Variants in SLC6A15 observed in about 807,000 individuals in gnomAD.
SLC6A15 encodes the protein sodium-dependent neutral amino acid transporter B(0)AT2.
A neutral mutation model predicts 68.5 loss-of-function variants in SLC6A15; 33 were observed. That is an observed-to-expected ratio of 0.48 (90% CI 0.37 to 0.64). SLC6A15 has a LOEUF of 0.64. Among genes scored for constraint, SLC6A15 ranks in the 30% least tolerant of loss-of-function variants. SLC6A15 has a pLI of 0.00. For synonymous variants in SLC6A15, 347 were observed against 301.0 expected (o/e 1.15, Z -1.58); for missense variants, 747 against 874.3 (o/e 0.85, Z 1.84).
At chr12:84,900,601 T>G (rs1872816078) in intron 1 of SLC6A15, among the ~76,000 whole-genome samples, 1 of 151,836 alleles carries the variant, frequency 6.6e-6, no homozygotes, top group Non-Finnish European at 1.5e-5. Flanking sequence ...GATCCCTTTA[T>G]TAGTTTAGAG....
At position 84,885,565 on chromosome 12, in the gene SLC6A15, C is replaced by A; in HGVS notation, c.448-4G>T. The A allele has an allele frequency of 1.9e-6, 3 of 1,609,812 alleles. No individual in the cohort carries two copies. The highest frequency in any genetic ancestry group is 1.7e-6 in the Non-Finnish European group (2 of 1,178,264). On this transcript the variant is annotated splice_region_variant and splice_polypyrimidine_tract_variant and intron_variant, in intron 3 of 11. Transcript: ENST00000266682. The stretch of plus-strand genomic sequence containing the variant: ...AGAGAGCTACAAAATAGCACACCTG[C>A]AAAATAAAATGATATCCCATTAAAC...
At chr12:84,895,959 G>C (rs770742073) in intron 1 of SLC6A15, among the ~76,000 whole-genome samples, 2 of 152,130 alleles carry the variant, frequency 1.3e-5, no homozygotes, top group Non-Finnish European at 2.9e-5. Context: ...TATTACAATT[G>C]TTACATCTGA....
At chr12:84,886,670 A>G (rs1872119182) in intron 2 of SLC6A15, among the ~76,000 whole-genome samples, 1 of 151,070 alleles carries the variant, frequency 6.6e-6, no homozygotes, top group African/African-American at 2.5e-5. Context: ...AGAAGTACAC[A>G]AATAGATTTT....
chr12:84,902,056 G>C (rs1872908905), intron 1 of SLC6A15, among the ~76,000 whole-genome samples: 1 of 151,670 alleles, frequency 6.6e-6, no homozygotes, highest in African/African-American at 2.4e-5. Flanking sequence ...TTCATCAAGA[G>C]ATTTCATGAA....
chr12:84,868,919 C>T (rs143252186), intron 9 of SLC6A15, among the ~76,000 whole-genome samples: 30 of 152,188 alleles, frequency 2.0e-4, no homozygotes, highest in African/African-American at 7.2e-4. Context: ...GCATGTCAGG[C>T]AGGATATGGA....
At chr12:84,907,426 T>G (rs966515404) in intron 1 of SLC6A15, among the ~76,000 whole-genome samples, 1 of 152,010 alleles carries the variant, frequency 6.6e-6, no homozygotes, top group African/African-American at 2.4e-5. Flanking sequence ...TCAATGAATA[T>G]TATATATGAA....
chr12:84,902,574 T>A (rs1872935007), intron 1 of SLC6A15, among the ~76,000 whole-genome samples: 1 of 151,702 alleles, frequency 6.6e-6, no homozygotes, highest in South Asian at 2.1e-4. Flanking sequence ...TTACTTATAA[T>A]AGAAAAAAAA....
Position 84,873,142 on chromosome 12 carries a change from C to G in SLC6A15, c.1054G>C (p.Val352Leu). 1 of 1,614,086 alleles carries G rather than the reference C, an allele frequency of 6.2e-7. No homozygotes were observed. Among genetic ancestry groups the G allele is most frequent in the Non-Finnish European group, 8.5e-7 (1 of 1,179,986 alleles). The change falls in exon 7 of 12, where the codon GTG becomes CTG. Residue 352 changes from valine (V) to leucine (L), a missense_variant. Physicochemically the swap from Val to Leu is conservative, Grantham distance 32 (BLOSUM62 1). Coordinates refer to ENST00000266682, the MANE Select transcript of SLC6A15 (RefSeq NM_182767.6). ...GCTTTGAAGCCCAGAACTGCAAACA[C>G]CACCAATGTTGCCAGGACAGAAGTG... is the stretch of plus-strand genomic sequence containing the variant. Reference protein sequence around the residue: ...FFTSVLATLVVFAVLGFKANV... With the variant: ...FFTSVLATLVLFAVLGFKANV...
intron 1 of SLC6A15, among the ~76,000 whole-genome samples, chr12:84,903,903 T>C (rs1303994677): frequency 1.3e-5 from 2 of 152,178 alleles, no homozygotes; most frequent in Non-Finnish European, 2.9e-5. Context: ...ATTTATACTA[T>C]GTTTTCTAAA....
In SLC6A15 at chr12:84,906,333, G is replaced by C. The variant is rs577966805; in HGVS notation, c.-189+6190C>G. ...GAAGACATGCCATGTTCATGGATTA[G>C]AAAACTCAACATAAGAAAGATGTCA... On this transcript the variant is annotated intron_variant, in intron 1 of 11. Transcript: ENST00000266682. Among the ~76,000 whole-genome samples, 10 of 152,292 alleles carry C rather than the reference G, an allele frequency of 6.6e-5. No individual in the cohort carries two copies. The South Asian group carries it at 1.9e-3, about 28-fold the overall frequency.
intron 1 of SLC6A15, among the ~76,000 whole-genome samples, chr12:84,901,056 G>T (rs1394871317): frequency 1.3e-5 from 2 of 148,452 alleles, no homozygotes; most frequent in African/African-American, 4.9e-5. Flanking sequence ...ACGTATATAT[G>T]TATACGTATA....
intron 1 of SLC6A15, among the ~76,000 whole-genome samples, chr12:84,902,235 C>A (rs1042048404): frequency 6.6e-6 from 1 of 151,832 alleles, no homozygotes; most frequent in Non-Finnish European, 1.5e-5. Flanking sequence ...ACTTTTTTTA[C>A]AAATAACAAT....
At position 84,880,932 on chromosome 12, in the gene SLC6A15, T is replaced by G. The variant is rs575358528; in HGVS notation, c.756+2927A>C. ...AAATTCTGTAGCCCAGTTTTAGCCCTGTCTATCATGTATTGGTTGCTTAAT... is the reference window on the plus strand; with the variant it reads ...AAATTCTGTAGCCCAGTTTTAGCCCGGTCTATCATGTATTGGTTGCTTAAT... On this transcript the variant is annotated intron_variant, in intron 5 of 11. Transcript: ENST00000266682. 6.9e-4 allele frequency: 664 copies of G among 958,374 alleles called. 2 individuals are homozygous for G. The African/African-American group carries it at 0.011, about 16-fold the overall frequency. The allele number at this position is 958,374 out of a possible 1,614,324, so 59.4% of individuals were successfully genotyped here.
chr12:84,903,329 G>A (rs141153030), intron 1 of SLC6A15, among the ~76,000 whole-genome samples: 6,041 of 152,020 alleles, frequency 0.04, 394 homozygotes, highest in African/African-American at 0.14. Context: ...CATGGCACAT[G>A]TATACATATG....
In SLC6A15 at chr12:84,864,264, AC is replaced by A. The variant is rs1305841273; in HGVS notation, c.1656-664del. Among the ~76,000 whole-genome samples, 4 of 151,362 alleles carry A rather than the reference AC, an allele frequency of 2.6e-5. No individual in the cohort carries two copies. In the East Asian group the frequency reaches 7.7e-4, roughly 29 times the overall value. On this transcript the variant is annotated intron_variant, in intron 10 of 11. Transcript: ENST00000266682. ...ACATTCCGAATTTCTAAAAAGGTCT[AC>A]ATATAATAACTAATTGTTATGAATT...
intron 4 of SLC6A15, 101 bp downstream of exon 4, chr12:84,885,334 T>C (rs1428614502): frequency 2.8e-6 from 3 of 1,085,170 alleles, no homozygotes. Flanking sequence ...TTTTGAATGA[T>C]GTTTCTACAT....
chr12:84,865,734 C>G (rs2120541362), intron 10 of SLC6A15, among the ~76,000 whole-genome samples: 1 of 152,232 alleles, frequency 6.6e-6, no homozygotes, highest in African/African-American at 2.4e-5. Context: ...TCATATGTGA[C>G]TTTTTTCACT....
chr12:84,866,822 C>T (rs1009596465), intron 10 of SLC6A15, among the ~76,000 whole-genome samples: 1 of 152,174 alleles, frequency 6.6e-6, no homozygotes, highest in African/African-American at 2.4e-5. Flanking sequence ...TAAAATTCTA[C>T]ATACTATTAC....
rs1276298463 is a variant in SLC6A15, at chr12:84,886,047, A to G, written c.311T>C (p.Leu104Ser). The G allele has an allele frequency of 1.9e-6, 3 of 1,600,738 alleles. No individual in the cohort carries two copies. Among genetic ancestry groups the G allele is most frequent in the Non-Finnish European group, 2.6e-6 (3 of 1,170,660 alleles). Residue 104 changes from leucine to serine, a missense_variant, in exon 3 of 12, where the codon TTA (leucine) becomes TCA (serine). Physicochemically the swap from Leu to Ser is moderately radical, Grantham distance 145. Transcript: ENST00000266682. ...NGGGAYLLPYLILLMVIGIPL... is the reference protein window; with the variant it reads ...NGGGAYLLPYSILLMVIGIPL... ...AATACCTATTACCATAAGTAGTATT[A>G]AATATGGTAAAAGATATGCACCTAA...
Sources: gnomAD v4.1 joint callset for allele counts (sites outside exome capture counted in the v4.1 genomes callset) on GRCh38, gnomAD v4.1.1 for gene constraint, MANE v1.5 for transcripts, NCBI Gene and HGNC (gene_info 2026-07-23, HGNC 2026-07-21) for gene names.